RBFOX1: variants seen among roughly 807,000 people sequenced by gnomAD.
The protein encoded by RBFOX1 is RNA binding fox-1 homolog 1.
A neutral mutation model predicts 57.7 loss-of-function variants in RBFOX1; 8 were observed. The observed-to-expected ratio is 0.14, with a 90% CI of 0.08 to 0.25. RBFOX1 has a LOEUF of 0.25. Among genes scored for constraint, RBFOX1 ranks in the 10% least tolerant of loss-of-function variants. RBFOX1 has a pLI of 1.00. For synonymous variants in RBFOX1, 326 were observed against 222.4 expected (o/e 1.47, Z -4.15); for missense variants, 611 against 548.5 (o/e 1.11, Z -1.14).
chr16:6,881,710 G>T (rs2062971336), intron 3 of RBFOX1, among the ~76,000 whole-genome samples: 1 of 152,138 alleles, frequency 6.6e-6, no homozygotes, highest in African/African-American at 2.4e-5. Flanking sequence ...CGTTGAATTT[G>T]CGGGGACAAT....
intron 4 of RBFOX1, among the ~76,000 whole-genome samples, chr16:7,276,173 C>T (rs373641429): frequency 6.6e-6 from 1 of 152,196 alleles, no homozygotes; most frequent in Non-Finnish European, 1.5e-5. Flanking sequence ...TTGGAAGGAC[C>T]ATGCCAAGTC....
chr16:6,115,289 T>C (rs1370002922), intron 1 of RBFOX1, among the ~76,000 whole-genome samples: 2 of 152,218 alleles, frequency 1.3e-5, no homozygotes, highest in East Asian at 3.9e-4. Flanking sequence ...CTTTAAGTTT[T>C]AGGATTTCAC....
chr16:6,974,735 C>G (rs552512352), intron 3 of RBFOX1, among the ~76,000 whole-genome samples: 1 of 152,070 alleles, frequency 6.6e-6, no homozygotes, highest in Non-Finnish European at 1.5e-5. Flanking sequence ...TTTCTTATCT[C>G]TTAACTGAAA....
intron 2 of RBFOX1, among the ~76,000 whole-genome samples, chr16:6,385,052 A>C (rs934296855): frequency 5.3e-5 from 8 of 152,144 alleles, no homozygotes; most frequent in Non-Finnish European, 1.0e-4. Context: ...TCCCCTCATT[A>C]AAGTTTGGTC....
Position 6,773,882 on chromosome 16 carries a change from G to T in RBFOX1, c.-16+119232G>T, listed in dbSNP as rs980119478. 4.0e-5 allele frequency: 35 copies of T among 885,376 alleles called. No homozygotes were observed. In the Admixed American group the frequency reaches 1.2e-3, roughly 30 times the overall value. 54.8% of individuals were successfully genotyped at this position (885,376 alleles called of 1,614,324 possible). ...GTGGATGTAGGGTGCGTTTGTCTGT[G>T]TGTATTTGTGTGGGCATGGAGTGCA... On this transcript the variant is annotated intron_variant, in intron 3 of 15. Transcript: ENST00000550418.
intron 4 of RBFOX1, among the ~76,000 whole-genome samples, chr16:7,437,947 C>A (rs907916288): frequency 6.7e-6 from 1 of 150,324 alleles, no homozygotes; most frequent in Non-Finnish European, 1.5e-5. Context: ...AATTTAAATT[C>A]TTTTAAAATG....
intron 4 of RBFOX1, among the ~76,000 whole-genome samples, chr16:7,471,609 G>A (rs1250323608): frequency 3.3e-5 from 5 of 152,144 alleles, no homozygotes; most frequent in Admixed American, 6.5e-5. Context: ...CTGAGACGGG[G>A]GTGGAGATGG....
chr16:7,143,476 A>G (rs1190740988), intron 4 of RBFOX1, among the ~76,000 whole-genome samples: 1 of 152,166 alleles, frequency 6.6e-6, no homozygotes, highest in African/African-American at 2.4e-5. Context: ...GGAGTCAAGC[A>G]GAAAATTAGC....
intron 4 of RBFOX1, chr16:7,304,167 G>A: frequency 1.0e-6 from 1 of 976,058 alleles, no homozygotes. Flanking sequence ...GCGGGGTGCG[G>A]TGGGGGGAGG....
At chr16:6,686,700 C>A (rs1002120178) in intron 3 of RBFOX1, among the ~76,000 whole-genome samples, 1 of 152,236 alleles carries the variant, frequency 6.6e-6, no homozygotes, top group South Asian at 2.1e-4. Context: ...TAAGGGAACG[C>A]AATTGTGAGA....
rs373387176 is a variant in RBFOX1 at position 5,331,909 on chromosome 16, C to T, written c.219+91804C>T. On this transcript the variant is annotated intron_variant, in intron 1 of 2. Coordinates refer to the RBFOX1 transcript ENST00000585867. ...ATGTTCTTCCCTTCCATCTAAAAGC[C>T]TCTTGACCCTTCAGGTGAGACCTGC... is the stretch of plus-strand genomic sequence containing the variant. Among the ~76,000 whole-genome samples the T allele has an allele frequency of 1.1e-3, 161 of 152,358 alleles. 1 individual carries two copies. Among genetic ancestry groups the T allele is most frequent in the African/African-American group, 3.8e-3 (159 of 41,588 alleles).
intron 4 of RBFOX1, among the ~76,000 whole-genome samples, chr16:7,249,060 A>C (rs766466167): frequency 1.4e-4 from 21 of 152,130 alleles, no homozygotes; most frequent in Non-Finnish European, 2.6e-4. Context: ...AGGGAAAAGT[A>C]GTGTTCCAGG....
intron 3 of RBFOX1, among the ~76,000 whole-genome samples, chr16:6,988,078 G>A (rs2090684333): frequency 6.6e-6 from 1 of 152,042 alleles, no homozygotes; most frequent in Non-Finnish European, 1.5e-5. Flanking sequence ...GCCAGTAAAT[G>A]GTAAAACCAA....
chr16:6,419,736 C>G (rs1311866580), intron 2 of RBFOX1, among the ~76,000 whole-genome samples: 2 of 152,118 alleles, frequency 1.3e-5, no homozygotes, highest in South Asian at 4.1e-4. Flanking sequence ...CGTGTTCTAT[C>G]TTTTACACGC....
chr16:5,310,337 G>T (rs1204800150), intron 1 of RBFOX1, among the ~76,000 whole-genome samples: 1 of 152,048 alleles, frequency 6.6e-6, no homozygotes, highest in Admixed American at 6.6e-5. Context: ...GGAGGAGGAG[G>T]TTGCAGTGAG....
intron 3 of RBFOX1, among the ~76,000 whole-genome samples, chr16:6,955,107 G>T (rs1036024866): frequency 6.6e-6 from 1 of 151,672 alleles, no homozygotes; most frequent in African/African-American, 2.4e-5. Flanking sequence ...TGGGCATGGT[G>T]GATTATGCCT....
chr16:7,225,051 T>G (rs1433063265), intron 4 of RBFOX1, among the ~76,000 whole-genome samples: 2 of 152,192 alleles, frequency 1.3e-5, no homozygotes, highest in South Asian at 4.1e-4. Context: ...CGGAGTTAAA[T>G]AAAGTGATAT....
At position 7,062,892 on chromosome 16, in the gene RBFOX1, C is replaced by CTTTTTTTTTTTTTTTTTTTTTTTTTT. The variant is rs1491558284; in HGVS notation, c.27+10794_27+10795insTTTTTTTTTTTTTTTTTTTTTTTTTT. ...TACCTCATCTCATTCAAATGATCGC[C>CTTTTTTTTTTTTTTTTTTTTTTTTTT]ATTTTTTTTTTTTTTTTTTTTTTTT... On this transcript the variant is annotated intron_variant, in intron 4 of 15. Transcript: ENST00000550418. 3.3e-4 allele frequency among the ~76,000 whole-genome samples: 20 copies of CTTTTTTTTTTTTTTTTTTTTTTTTTT among 59,932 alleles called. 10 individuals carry two copies. Among genetic ancestry groups the CTTTTTTTTTTTTTTTTTTTTTTTTTT allele is most frequent in the Non-Finnish European group, 3.3e-4 (10 of 30,268 alleles). The allele number at this position is 59,932 out of a possible 152,430, so 39.3% of individuals were successfully genotyped here.
chr16:5,448,315 G>A (rs1045504246), intron 1 of RBFOX1, among the ~76,000 whole-genome samples: 6 of 152,044 alleles, frequency 3.9e-5, no homozygotes, highest in African/African-American at 1.2e-4. Flanking sequence ...CTCCCAGCTG[G>A]GTCAAAGAGA....
Sources: gnomAD v4.1 joint callset for allele counts (sites outside exome capture counted in the v4.1 genomes callset) on GRCh38, gnomAD v4.1.1 for gene constraint, MANE v1.5 for transcripts, NCBI Gene and HGNC (gene_info 2026-07-23, HGNC 2026-07-21) for gene names.